The following DLG2 variants were observed in gnomAD, a reference collection of about 807,000 sequenced individuals.
The protein encoded by DLG2 is disks large homolog 2.
In DLG2, 45 loss-of-function variants were observed where a neutral mutation model predicts 132.5. The ratio of observed to expected loss-of-function variants is 0.34; its 90% CI spans 0.27 to 0.44. The LOEUF is 0.44. Ranked by LOEUF, DLG2 falls within the 20% of genes least tolerant of loss-of-function variation. The pLI, the probability that DLG2 is intolerant of heterozygous loss-of-function variation, is 1.00. For missense variants in DLG2, 1,045 were observed against 1,196.9 expected (o/e 0.87, Z 1.87); for synonymous variants, 424 against 419.6 (o/e 1.01, Z -0.13).
At chr11:84,928,247 C>T (rs1033492177) in intron 6 of DLG2, among the ~76,000 whole-genome samples, 4 of 151,850 alleles carry the variant, frequency 2.6e-5, no homozygotes, top group African/African-American at 9.7e-5. Context: ...ACTCTAACAG[C>T]TCTTGGGCCT....
At chr11:84,896,819 C>T (rs2090248802) in intron 6 of DLG2, among the ~76,000 whole-genome samples, 1 of 151,726 alleles carries the variant, frequency 6.6e-6, no homozygotes, top group Non-Finnish European at 1.5e-5. Context: ...TCATCTCTTA[C>T]TGTGCATAAT....
chr11:85,069,618 C>T (rs867630656), intron 6 of DLG2, among the ~76,000 whole-genome samples: 4 of 151,924 alleles, frequency 2.6e-5, no homozygotes, highest in Admixed American at 6.6e-5. Context: ...ATCTCACAAC[C>T]GTTAGAATGG....
intron 3 of DLG2, among the ~76,000 whole-genome samples, chr11:85,563,434 T>C (rs1424747576): frequency 1.3e-5 from 2 of 151,162 alleles, no homozygotes; most frequent in Non-Finnish European, 3.0e-5. Flanking sequence ...AAAAAAAAGT[T>C]CCTTTGTGCC....
chr11:85,340,443 A>G (rs903055642), intron 3 of DLG2, among the ~76,000 whole-genome samples: 2 of 152,030 alleles, frequency 1.3e-5, no homozygotes, highest in Non-Finnish European at 2.9e-5. Context: ...GAACAATGAG[A>G]TCACTTGGAC....
intron 8 of DLG2, among the ~76,000 whole-genome samples, chr11:84,181,616 T>C (rs1174847872): frequency 6.6e-6 from 1 of 152,110 alleles, no homozygotes; most frequent in Non-Finnish European, 1.5e-5. Context: ...GACATGACTG[T>C]ATGTTGTCTA....
In DLG2 at chr11:83,759,815, G is replaced by C. The variant is rs1159976438; in HGVS notation, c.1825+26875C>G. On this transcript the variant is annotated intron_variant, in intron 18 of 27. Coordinates refer to ENST00000376104, the MANE Select transcript of DLG2 (RefSeq NM_001142699.3). ...GTTCTTCACTAGGAGAAGTCCTATA[G>C]GTTCTATAAAGGACATCCAGAACCC... is the stretch of plus-strand genomic sequence containing the variant. Among the ~76,000 whole-genome samples the C allele has an allele frequency of 2.0e-5, 3 of 152,112 alleles. No homozygotes were observed. In the East Asian group the frequency reaches 5.8e-4, roughly 29 times the overall value.
At chr11:84,560,112 T>C (rs2099422111) in intron 6 of DLG2, among the ~76,000 whole-genome samples, 2 of 152,102 alleles carry the variant, frequency 1.3e-5, no homozygotes, top group South Asian at 4.1e-4. Flanking sequence ...TTCTTTTATA[T>C]AATACTAGCT....
chr11:84,913,443 T>C (rs192307803), intron 6 of DLG2, among the ~76,000 whole-genome samples: 33 of 152,312 alleles, frequency 2.2e-4, no homozygotes, highest in African/African-American at 7.9e-4. Flanking sequence ...TGCTGAAAAG[T>C]AATGGTCCAA....
intron 6 of DLG2, among the ~76,000 whole-genome samples, chr11:84,792,251 T>C (rs1598253850): frequency 6.6e-6 from 1 of 152,208 alleles, no homozygotes; most frequent in Non-Finnish European, 1.5e-5. Flanking sequence ...TTTGTATATG[T>C]TGAAACGTCC....
chr11:83,919,700 A>C (rs1034203994), intron 15 of DLG2, among the ~76,000 whole-genome samples: 14 of 152,168 alleles, frequency 9.2e-5, no homozygotes, highest in African/African-American at 3.1e-4. Flanking sequence ...TTGGGGTCTG[A>C]GTGACAGTTT....
intron 4 of DLG2, among the ~76,000 whole-genome samples, chr11:85,234,266 G>A (rs1223724894): frequency 2.0e-5 from 3 of 152,002 alleles, no homozygotes; most frequent in Non-Finnish European, 4.4e-5. Context: ...GATAATAACA[G>A]ATGCTCAGAA....
At chr11:83,964,668 C>T (rs2089761077) in intron 13 of DLG2, among the ~76,000 whole-genome samples, 1 of 151,854 alleles carries the variant, frequency 6.6e-6, no homozygotes, top group Non-Finnish European at 1.5e-5. Context: ...TTCGTGTTGA[C>T]CTATTAAGAA....
At chr11:83,733,791 G>A (rs1167501756) in intron 18 of DLG2, among the ~76,000 whole-genome samples, 1 of 152,180 alleles carries the variant, frequency 6.6e-6, no homozygotes, top group African/African-American at 2.4e-5. Context: ...AATGGATTTA[G>A]GAGGATACAC....
chr11:83,498,558 C>T (rs1475826370), intron 21 of DLG2, among the ~76,000 whole-genome samples: 1 of 151,308 alleles, frequency 6.6e-6, no homozygotes, highest in Non-Finnish European at 1.5e-5. Context: ...TAACACTGTA[C>T]TTAGAGAAAA....
chr11:84,293,568 G>A (rs941345345), intron 7 of DLG2, among the ~76,000 whole-genome samples: 4 of 152,160 alleles, frequency 2.6e-5, no homozygotes, highest in Admixed American at 2.0e-4. Context: ...CAGCTACTTG[G>A]GAGGCTGAGG....
At chr11:83,717,617 TAC>T (rs1346605511) in intron 18 of DLG2, among the ~76,000 whole-genome samples, 9 of 152,262 alleles carry the variant, frequency 5.9e-5, no homozygotes, top group Non-Finnish European at 1.0e-4. Context: ...GACAGTTGAT[TAC>T]AGTGTCTGTC....
chr11:84,275,283 G>T (rs1289727257), intron 7 of DLG2, among the ~76,000 whole-genome samples: 2 of 152,238 alleles, frequency 1.3e-5, no homozygotes, highest in Middle Eastern at 3.4e-3. Context: ...TTTAAAAACT[G>T]CCCTTTGAAT....
intron 6 of DLG2, among the ~76,000 whole-genome samples, chr11:85,022,766 A>C (rs954646011): frequency 6.6e-6 from 1 of 152,144 alleles, no homozygotes; most frequent in Non-Finnish European, 1.5e-5. Flanking sequence ...AACAAGTTGA[A>C]ACTTAAAAGT....
chr11:84,782,947 G>A lies in DLG2; in HGVS notation c.358-248216C>T, dbSNP rs529840582. Among the ~76,000 whole-genome samples, 112 of 152,136 alleles carry A rather than the reference G, an allele frequency of 7.4e-4. 1 individual carries two copies. The highest frequency in any genetic ancestry group is 2.6e-3 in the African/African-American group (109 of 41,510). On this transcript the variant is annotated intron_variant, in intron 6 of 27. Transcript: ENST00000376104. ...ACATATGAGAAACTGCAGTAGCATC[G>A]TGTAGCATCTTGCTGTTTCAACCTT...
Sources: gnomAD v4.1 joint callset for allele counts (sites outside exome capture counted in the v4.1 genomes callset) on GRCh38, gnomAD v4.1.1 for gene constraint, MANE v1.5 for transcripts, NCBI Gene and HGNC (gene_info 2026-07-23, HGNC 2026-07-21) for gene names.